TRPC5: variants seen among roughly 807,000 people sequenced by gnomAD.
TRPC5 encodes short transient receptor potential channel 5.
In TRPC5, 9 loss-of-function variants were observed where a neutral mutation model predicts 56.5. The ratio of observed to expected loss-of-function variants is 0.16; its 90% confidence interval spans 0.10 to 0.28. The LOEUF (loss-of-function observed/expected upper bound fraction) is 0.28. Ranked by LOEUF, TRPC5 falls within the 10% of genes least tolerant of loss-of-function variation. The pLI is 1.00. For missense variants in TRPC5, 469 were observed against 748.9 expected (o/e 0.63, Z 4.36); for synonymous variants, 282 against 278.5 (o/e 1.01, Z -0.13).
intron 2 of TRPC5, among the ~76,000 whole-genome samples, chrX:111,921,194 A>G (rs1926118056): frequency 9.0e-6 from 1 of 111,703 alleles, no homozygotes; most frequent in African/African-American, 3.3e-5. Context: ...AAATTACATT[A>G]CAATGTCGTT....
chrX:111,820,778 A>G (rs1012438559), intron 7 of TRPC5, among the ~76,000 whole-genome samples: 2 of 112,205 alleles, frequency 1.8e-5, no homozygotes, highest in Non-Finnish European at 3.8e-5. Flanking sequence ...CTTATACATT[A>G]GCAATTAATT....
chrX:111,934,545 G>A (rs760945139), intron 2 of TRPC5, among the ~76,000 whole-genome samples: 4 of 110,837 alleles, frequency 3.6e-5, no homozygotes, highest in Non-Finnish European at 5.7e-5. Flanking sequence ...TCACCCTGCT[G>A]TGCTAATACT....
intron 1 of TRPC5, among the ~76,000 whole-genome samples, chrX:112,006,167 T>G (rs1231681216): frequency 9.0e-6 from 1 of 110,592 alleles, no homozygotes; most frequent in Non-Finnish European, 1.9e-5. Context: ...ACATGCAAAT[T>G]ATAATCATCT....
At chrX:111,975,752 A>G (rs1421212513) in intron 1 of TRPC5, among the ~76,000 whole-genome samples, 1 of 110,709 alleles carries the variant, frequency 9.0e-6, no homozygotes, top group African/African-American at 3.3e-5. Context: ...AAAAAGAAAA[A>G]AATTAGCCGG....
At chrX:111,857,128 G>A (rs1923261895) in intron 3 of TRPC5, among the ~76,000 whole-genome samples, 1 of 111,899 alleles carries the variant, frequency 8.9e-6, no homozygotes, top group Non-Finnish European at 1.9e-5. Flanking sequence ...ATATTATTAT[G>A]CATGTAAGAA....
At chrX:111,820,070 A>G (rs1340864306) in intron 7 of TRPC5, among the ~76,000 whole-genome samples, 4 of 112,176 alleles carry the variant, frequency 3.6e-5, no homozygotes, top group Non-Finnish European at 7.5e-5. Flanking sequence ...TCCATCATCT[A>G]GGTAGATTTT....
At chrX:111,818,950 G>A (rs949219953) in intron 7 of TRPC5, among the ~76,000 whole-genome samples, 3 of 111,518 alleles carry the variant, frequency 2.7e-5, no homozygotes, top group African/African-American at 9.8e-5. Context: ...TGATGAAATG[G>A]GTTCCATTAC....
chrX:111,931,620 G>C (rs2148628418), intron 2 of TRPC5, among the ~76,000 whole-genome samples: 1 of 112,296 alleles, frequency 8.9e-6, no homozygotes, highest in African/African-American at 3.2e-5. Context: ...GTACAAGGCT[G>C]ATTTGCTGAC....
At position 111,914,244 on chromosome X, in the gene TRPC5, C is replaced by A. The variant is rs185190046; in HGVS notation, c.379-1432G>T. 1.2e-3 allele frequency among the ~76,000 whole-genome samples: 133 copies of A among 111,661 alleles called. 1 individual carries two copies. The highest frequency in any genetic ancestry group is 6.8e-4 in the Non-Finnish European group (36 of 53,111). On this transcript the variant is annotated intron_variant, in intron 2 of 10. Coordinates refer to ENST00000262839, the MANE Select transcript of TRPC5 (RefSeq NM_012471.3). The stretch of plus-strand genomic sequence containing the variant: ...TTCATTTTAACTGGGTAGGACAGAC[C>A]ATGGATAATTGGGAGTCTCATCGAA...
intron 1 of TRPC5, among the ~76,000 whole-genome samples, chrX:112,079,673 C>T (rs141557067): frequency 2.7e-5 from 3 of 111,973 alleles, no homozygotes; most frequent in Non-Finnish European, 5.6e-5. Context: ...TGTGGTTCTG[C>T]GTGCCATTCC....
At chrX:111,793,338 AT>A (rs1393819471) in intron 7 of TRPC5, among the ~76,000 whole-genome samples, 4 of 112,145 alleles carry the variant, frequency 3.6e-5, no homozygotes, top group Non-Finnish European at 7.5e-5. Flanking sequence ...TATAAAAAAA[AT>A]AATTACAGCT....
intron 7 of TRPC5, among the ~76,000 whole-genome samples, chrX:111,805,354 T>C (rs1921467044): frequency 9.0e-6 from 1 of 111,619 alleles, no homozygotes; most frequent in Middle Eastern, 4.2e-3. Flanking sequence ...ATCAATATGA[T>C]GTTGGCCTCA....
rs776502220 is a variant in TRPC5, at chrX:112,034,498, T to C, written c.-22+47381A>G. Reference sequence around the variant, plus strand: ...TGTATGTTGATTTTTGTTCTGAAACTTTGATGCATTTGTTTGTTAGCTTTT... The same window carrying C: ...TGTATGTTGATTTTTGTTCTGAAACCTTGATGCATTTGTTTGTTAGCTTTT... On this transcript the variant is annotated intron_variant, in intron 1 of 10. Coordinates refer to ENST00000262839, the MANE Select transcript of TRPC5 (RefSeq NM_012471.3). Among the ~76,000 whole-genome samples, 7 of 110,826 alleles carry C rather than the reference T, an allele frequency of 6.3e-5. No homozygotes were observed. In the South Asian group the frequency reaches 2.7e-3, roughly 42 times the overall value.
intron 4 of TRPC5, 33 bp downstream of exon 4, chrX:111,853,737 G>C (rs747944522): frequency 7.6e-6 from 9 of 1,178,941 alleles, no homozygotes; most frequent in Non-Finnish European, 1.0e-5. Flanking sequence ...CCATCAGGCA[G>C]TCTGGCCATA....
intron 1 of TRPC5, among the ~76,000 whole-genome samples, chrX:111,975,909 G>A (rs932152950): frequency 4.5e-5 from 5 of 110,333 alleles, no homozygotes; most frequent in Non-Finnish European, 9.5e-5. Context: ...GTCTCCAAAA[G>A]AAAAACAAAA....
chrX:112,035,444 T>A (rs937122500), intron 1 of TRPC5, among the ~76,000 whole-genome samples: 60 of 101,701 alleles, frequency 5.9e-4, no homozygotes, highest in Non-Finnish European at 8.2e-4. Context: ...TTGACAGAGA[T>A]GTCCTTGAAC....
At chrX:111,888,722 A>AAAG (rs1556577529) in intron 3 of TRPC5, among the ~76,000 whole-genome samples, 3 of 98,403 alleles carry the variant, frequency 3.0e-5, no homozygotes, top group African/African-American at 8.7e-5. Flanking sequence ...AAAAAAAAGA[A>AAAG]AGAAAAGAAA....
intron 2 of TRPC5, among the ~76,000 whole-genome samples, chrX:111,946,982 C>G (rs766873310): frequency 8.9e-6 from 1 of 112,042 alleles, no homozygotes. Context: ...CACCCAGGCA[C>G]TTGGCAGGGA....
intron 1 of TRPC5, among the ~76,000 whole-genome samples, chrX:111,986,509 G>A (rs1032361888): frequency 6.3e-5 from 7 of 110,361 alleles, no homozygotes; most frequent in Non-Finnish European, 9.5e-5. Context: ...AGTGGTGGGA[G>A]TAAGTTCTGA....
Sources: gnomAD v4.1 joint callset for allele counts (sites outside exome capture counted in the v4.1 genomes callset) on GRCh38, gnomAD v4.1.1 for gene constraint, MANE v1.5 for transcripts, NCBI Gene and HGNC (gene_info 2026-07-23, HGNC 2026-07-21) for gene names.